The following ABCA12 variants were observed in gnomAD, a reference collection of about 807,000 sequenced individuals.
The protein encoded by ABCA12 is glucosylceramide transporter ABCA12.
Under a neutral mutation model 293.5 loss-of-function variants are expected in ABCA12, and 156 were observed. The ratio of observed to expected loss-of-function variants is 0.53; its 90% CI spans 0.47 to 0.61. The LOEUF (loss-of-function observed/expected upper bound fraction) is 0.61, where lower values mean the gene tolerates loss of function less well. Among genes scored for constraint, ABCA12 ranks in the 20% least tolerant of loss-of-function variants. ABCA12 has a pLI of 0.00. For synonymous variants in ABCA12, 1,063 were observed against 1,108.0 expected (o/e 0.96, Z 0.81); for missense variants, 2,797 against 3,090.2 (o/e 0.91, Z 2.25).
chr2:215,070,714 C>G (rs1559177330), intron 2 of ABCA12, among the ~76,000 whole-genome samples: 3 of 151,658 alleles, frequency 2.0e-5, no homozygotes, highest in Non-Finnish European at 2.9e-5. Flanking sequence ...AAATATTACT[C>G]TGGGTTATTA....
Position 214,958,394 on chromosome 2 carries a change from G to A in ABCA12, c.6000C>T (p.Thr2000=), listed in dbSNP as rs140550530. ...CAACATAGGTGACAAAGCTGGCGGT[G>A]GTGACAGAGTAGCCCATCAAGATAG... ...ALSILMGYSV[T]TASFVTYVVR... The change falls in exon 41 of 53, where the codon ACC becomes ACT. Residue 2000 remains threonine (T), a synonymous_variant. Coordinates refer to ENST00000272895, the MANE Select transcript of ABCA12 (RefSeq NM_173076.3). The A allele has an allele frequency of 9.5e-5, 153 of 1,613,862 alleles. 1 individual carries two copies. The highest frequency in any genetic ancestry group is 1.2e-4 in the Non-Finnish European group (140 of 1,179,926).
intron 2 of ABCA12, among the ~76,000 whole-genome samples, chr2:215,090,192 AC>A (rs1300842294): frequency 4.0e-5 from 6 of 151,898 alleles, no homozygotes; most frequent in Non-Finnish European, 8.8e-5. Flanking sequence ...CCCACCCCTA[AC>A]TTCCTTTGCT....
At chr2:214,999,692 T>A in intron 22 of ABCA12, 1 of 433,572 alleles carries the variant, frequency 2.3e-6, no homozygotes, top group Non-Finnish European at 3.1e-6. Context: ...GTGCAAACCA[T>A]TGCAGTTCAC....
chr2:215,052,636 C>T (rs1387150786), intron 4 of ABCA12, 52 bp from the exon 5 acceptor site: 2 of 1,401,136 alleles, frequency 1.4e-6, no homozygotes, highest in Non-Finnish European at 1.0e-6. Flanking sequence ...CACACAAATG[C>T]ACAGGACCAC....
rs139878534 is a variant in ABCA12, at chr2:215,040,535, G to A, written c.873-3470C>T. On this transcript the variant is annotated intron_variant, in intron 7 of 52. Coordinates refer to ENST00000272895, the MANE Select transcript of ABCA12 (RefSeq NM_173076.3). ...TGAGAATACAAAATGTTGGCTGGGC[G>A]CGGTGGCTCACACCTGTAATCCCAG... 5.7e-3 allele frequency among the ~76,000 whole-genome samples: 872 copies of A among 152,216 alleles called. 9 individuals carry two copies. The highest frequency in any genetic ancestry group is 0.02 in the African/African-American group (814 of 41,544).
At position 214,986,593 on chromosome 2, in the gene ABCA12, C is replaced by G. The variant is rs745512085; in HGVS notation, c.4112G>C (p.Gly1371Ala). 6.2e-7 allele frequency: 1 copy of G among 1,613,946 alleles called. No homozygotes were observed. Among genetic ancestry groups the G allele is most frequent in the Non-Finnish European group, 8.5e-7 (1 of 1,179,978 alleles). Residue 1371 changes from glycine (G) to alanine (A), a missense_variant, in exon 28 of 53, where the codon GGG becomes GCG. Around this residue, in one of 3 missense-constraint regions of ABCA12, gnomAD observed 2,130 missense variants for 2,427.0 expected, o/e 0.88. Coordinates refer to ENST00000272895, the MANE Select transcript of ABCA12 (RefSeq NM_173076.3). ...GGGCCCCAGCAATGAAGTAATATGCCCTTCATAAAAGTTCAGATTGAGGTT... is the reference window on the plus strand; with the variant it reads ...GGGCCCCAGCAATGAAGTAATATGCGCTTCATAAAAGTTCAGATTGAGGTT... The part of the protein sequence containing the change: ...VDNLNLNFYE[G>A]HITSLLGPNG...
chr2:214,966,402 G>A (rs991533049), intron 39 of ABCA12, among the ~76,000 whole-genome samples: 2 of 151,980 alleles, frequency 1.3e-5, no homozygotes, highest in Non-Finnish European at 2.9e-5. Context: ...TAAAATAAAA[G>A]TTGAAGAAAA....
chr2:215,037,024 G>C lies in ABCA12; in HGVS notation c.914C>G (p.Thr305Ser). 6.2e-7 allele frequency: 1 copy of C among 1,613,916 alleles called. No homozygotes were observed. The highest frequency in any genetic ancestry group is 1.1e-5 in the South Asian group (1 of 91,086). Residue 305 changes from threonine (T) to serine (S), a missense_variant, in exon 8 of 53, where the codon ACT (threonine) becomes AGT (serine). This residue lies in a region of ABCA12 where 656 missense variants were observed against 638.2 expected (regional missense o/e 1.03). Transcript: ENST00000272895. ...VVQKVYPRFA[T>S]NEGFRTLQKS... ...CTGGAGGGTTCTGAAACCTTCGTTAGTTGCAAAACGTGGATAAACCTTCTG... is the reference window on the plus strand; with the variant it reads ...CTGGAGGGTTCTGAAACCTTCGTTACTTGCAAAACGTGGATAAACCTTCTG...
intron 36 of ABCA12, among the ~76,000 whole-genome samples, 170 bp from the exon 37 acceptor site, chr2:214,970,570 C>T (rs992690990): frequency 6.6e-6 from 1 of 152,036 alleles, no homozygotes; most frequent in Non-Finnish European, 1.5e-5. Flanking sequence ...ATCTCACCTA[C>T]ACCAAGAAAT....
chr2:214,946,256 T>C (rs1228178575), intron 48 of ABCA12, among the ~76,000 whole-genome samples: 2 of 152,042 alleles, frequency 1.3e-5, no homozygotes, highest in East Asian at 3.9e-4. Flanking sequence ...ATAAAGAAAT[T>C]AGTGTTAATT....
At chr2:215,008,828 A>G (rs928456483) in intron 18 of ABCA12, among the ~76,000 whole-genome samples, 2 of 152,176 alleles carry the variant, frequency 1.3e-5, no homozygotes, top group African/African-American at 4.8e-5. Context: ...ATAAGCTCAT[A>G]TGCTGCTGAG....
At position 214,932,362 on chromosome 2, in the gene ABCA12, G is replaced by C. The variant is rs908409878; in HGVS notation, c.*272C>G. On this transcript the variant is annotated 3_prime_UTR_variant, in exon 53 of 53. Coordinates refer to ENST00000272895, the MANE Select transcript of ABCA12 (RefSeq NM_173076.3). ...AAATTAAGATATTCATCTTGAGGTGGCTTCACCTTTGCATAAGAATCACCA... is the reference window on the plus strand; with the variant it reads ...AAATTAAGATATTCATCTTGAGGTGCCTTCACCTTTGCATAAGAATCACCA... 7 of 404,442 alleles carry C rather than the reference G, an allele frequency of 1.7e-5. No individual in the cohort carries two copies. 25.1% of individuals were successfully genotyped at this position (404,442 alleles called of 1,614,324 possible). A position where few individuals can be genotyped will look rare whatever the true frequency, so the allele number is the denominator to read the frequency against.
At chr2:215,111,820 T>C in intron 1 of ABCA12, 130 bp from the exon 2 acceptor site, 1 of 691,860 alleles carries the variant, frequency 1.4e-6, no homozygotes, top group African/African-American at 1.8e-5. Context: ...CTGTAGATAT[T>C]ATTAATAAAA....
In ABCA12 at chr2:214,978,363, G is replaced by A; in HGVS notation, c.5081C>T (p.Thr1694Ile). 1 of 1,614,056 alleles carries A rather than the reference G, an allele frequency of 6.2e-7. No homozygotes were observed. The highest frequency in any genetic ancestry group is 8.5e-7 in the Non-Finnish European group (1 of 1,179,968). The change falls in exon 33 of 53, where the codon ACT becomes ATT. Residue 1694 changes from threonine to isoleucine, a missense_variant. Coordinates refer to ENST00000272895, the MANE Select transcript of ABCA12 (RefSeq NM_173076.3). ...GCTGCTCACAGATAAATCGTCAGGA[G>A]TTGAGATGCCATTGGCATTGGAATT... ...IGNSNANGIS[T>I]PDDLSVSSSN...
chr2:215,109,931 G>C (rs767785800), intron 2 of ABCA12, among the ~76,000 whole-genome samples: 1 of 152,134 alleles, frequency 6.6e-6, no homozygotes, highest in Admixed American at 6.5e-5. Flanking sequence ...TTGATAGTTA[G>C]CATATTAAAC....
chr2:215,097,030 G>T (rs949055328), intron 2 of ABCA12, among the ~76,000 whole-genome samples: 1 of 152,152 alleles, frequency 6.6e-6, no homozygotes, highest in African/African-American at 2.4e-5. Flanking sequence ...CCTATGAAGG[G>T]AAGACCAGAG....
At chr2:214,937,890 A>G (rs575251974) in intron 50 of ABCA12, among the ~76,000 whole-genome samples, 18 of 152,332 alleles carry the variant, frequency 1.2e-4, no homozygotes, top group African/African-American at 3.4e-4. Flanking sequence ...TTGGCTTTCT[A>G]TGACATTCAT....
chr2:214,944,575 G>A (rs1395655221), intron 49 of ABCA12, among the ~76,000 whole-genome samples: 3 of 152,024 alleles, frequency 2.0e-5, no homozygotes, highest in Non-Finnish European at 4.4e-5. Context: ...AAAAGACTGA[G>A]CATTTAGATG....
intron 23 of ABCA12, among the ~76,000 whole-genome samples, chr2:214,993,707 T>A (rs1464448625): frequency 1.3e-5 from 2 of 152,212 alleles, no homozygotes; most frequent in African/African-American, 4.8e-5. Context: ...GTCAATATAT[T>A]TCCCAAGGTG....
Sources: allele counts gnomAD v4.1 joint callset (sites outside exome capture counted in the v4.1 genomes callset), GRCh38; gene constraint gnomAD v4.1.1; regional missense constraint gnomAD v4.1.1; transcripts MANE v1.5; gene names NCBI Gene and HGNC (gene_info 2026-07-23, HGNC 2026-07-21).